PRPF4: variants seen among roughly 807,000 people sequenced by gnomAD.
PRPF4 encodes the protein U4/U6 small nuclear ribonucleoprotein Prp4.
A neutral mutation model predicts 72.2 loss-of-function variants in PRPF4; 14 were observed. The observed-to-expected ratio is 0.19, with a 90% CI of 0.13 to 0.30. The LOEUF (loss-of-function observed/expected upper bound fraction) is 0.30, where lower values mean the gene tolerates loss of function less well. Among genes scored for constraint, PRPF4 ranks in the 10% least tolerant of loss-of-function variants. The pLI, the probability that PRPF4 is intolerant of heterozygous loss-of-function variation, is 1.00. For missense variants in PRPF4, 478 were observed against 653.9 expected (o/e 0.73, Z 2.93); for synonymous variants, 225 against 232.2 (o/e 0.97, Z 0.28).
In PRPF4 at chr9:113,290,703, A is replaced by T; in HGVS notation, c.1149A>T (p.Gly383=). 1 of 1,614,070 alleles carries T rather than the reference A, an allele frequency of 6.2e-7. No individual in the cohort carries two copies. The highest frequency in any genetic ancestry group is 8.5e-7 in the Non-Finnish European group (1 of 1,180,006). The part of the protein sequence containing the change: ...HQDGSLAGTG[G]LDAFGRVWDL... Reference sequence around the variant, plus strand: ...CATTTCTAAATTATTTTCTCAGGGGACTGGATGCATTTGGTCGAGTTTGGG... The same window carrying T: ...CATTTCTAAATTATTTTCTCAGGGGTCTGGATGCATTTGGTCGAGTTTGGG... Residue 383 remains glycine, a synonymous_variant, in exon 12 of 14, where the codon GGA becomes GGT. Transcript: ENST00000374198.
At chr9:113,279,708 G>T (rs1832219174) in intron 3 of PRPF4, among the ~76,000 whole-genome samples, 1 of 152,042 alleles carries the variant, frequency 6.6e-6, no homozygotes, top group Non-Finnish European at 1.5e-5. Context: ...TTATAGACTT[G>T]GAAGAGGGTG....
chr9:113,286,040 G>C (rs1447287599), intron 7 of PRPF4, among the ~76,000 whole-genome samples, 192 bp from the exon 8 acceptor site: 1 of 152,196 alleles, frequency 6.6e-6, no homozygotes, highest in African/African-American at 2.4e-5. Context: ...TCCAGTAAAA[G>C]CCTCTGGTTG....
At chr9:113,290,270 T>C (rs1299318130) in intron 10 of PRPF4, among the ~76,000 whole-genome samples, 196 bp from the exon 11 acceptor site, 1 of 152,024 alleles carries the variant, frequency 6.6e-6, no homozygotes, top group African/African-American at 2.4e-5. Flanking sequence ...TTCCATGGTT[T>C]TCAGCTAGCA....
chr9:113,291,071 C>T, intron 13 of PRPF4, 55 bp downstream of exon 13: 12 of 1,518,074 alleles, frequency 7.9e-6, no homozygotes, highest in Non-Finnish European at 1.1e-5. Flanking sequence ...GTATTGTGTT[C>T]CCGTGGAATG....
intron 6 of PRPF4, 95 bp from the exon 7 acceptor site, chr9:113,284,200 A>T: frequency 1.1e-6 from 1 of 936,400 alleles, no homozygotes. Flanking sequence ...AAAACTGAAA[A>T]GCTGCTTTGT....
rs202224947 is a variant in PRPF4 at position 113,290,957 on chromosome 9, G to A, written c.1313G>A (p.Arg438Gln). 65 of 1,614,140 alleles carry A rather than the reference G, an allele frequency of 4.0e-5. 1 individual carries two copies. The highest frequency in any genetic ancestry group is 6.7e-5 in the African/African-American group (5 of 75,038). Residue 438 changes from arginine (R) to glutamine (Q), a missense_variant, in exon 13 of 14, where the codon CGG becomes CAG. Arg to Gln is a conservative substitution (Grantham distance 43). Transcript: ENST00000374198. ...NTCKVWDLRQ[R>Q]RCVYTIPAHQ... Reference sequence around the variant, plus strand: ...TGCAAAGTGTGGGACCTCCGACAGCGGCGTTGCGTCTACACCATCCCTGCT... The same window carrying A: ...TGCAAAGTGTGGGACCTCCGACAGCAGCGTTGCGTCTACACCATCCCTGCT...
At chr9:113,286,319 T>C in intron 8 of PRPF4, 29 bp downstream of exon 8, 2 of 1,577,692 alleles carry the variant, frequency 1.3e-6, no homozygotes, top group Non-Finnish European at 1.7e-6. Context: ...CAAATCTCGG[T>C]CTTTTTCCCA....
At chr9:113,284,517 A>G in intron 7 of PRPF4, 128 bp downstream of exon 7, 1 of 767,034 alleles carries the variant, frequency 1.3e-6, no homozygotes, top group East Asian at 2.7e-5. Flanking sequence ...ACCAAACTAC[A>G]GATGTCAGTC....
At chr9:113,289,486 T>A (rs1011026633) in intron 10 of PRPF4, among the ~76,000 whole-genome samples, 2 of 152,242 alleles carry the variant, frequency 1.3e-5, no homozygotes, top group Non-Finnish European at 2.9e-5. Context: ...TTTGGTGTTG[T>A]CAGTCTTACC....
intron 3 of PRPF4, among the ~76,000 whole-genome samples, chr9:113,282,421 A>G (rs1489461730): frequency 6.6e-6 from 1 of 151,938 alleles, no homozygotes; most frequent in Non-Finnish European, 1.5e-5. Flanking sequence ...GCAGTGACCC[A>G]TGATCATGCC....
chr9:113,285,482 C>T (rs1158927423), intron 7 of PRPF4, among the ~76,000 whole-genome samples: 3 of 146,310 alleles, frequency 2.1e-5, no homozygotes, highest in Non-Finnish European at 4.5e-5. Flanking sequence ...GGGTTCACGC[C>T]ATTCTCCTAC....
chr9:113,290,350 A>G, intron 10 of PRPF4, 116 bp from the exon 11 acceptor site: 1 of 1,418,760 alleles, frequency 7.0e-7, no homozygotes, highest in South Asian at 1.3e-5. Flanking sequence ...TAATATGGTT[A>G]TATGAATAGT....
intron 10 of PRPF4, among the ~76,000 whole-genome samples, chr9:113,288,969 A>C (rs1324345859): frequency 4.6e-5 from 7 of 152,208 alleles, no homozygotes; most frequent in Admixed American, 2.0e-4. Context: ...AACGCGTACC[A>C]TTCCTGTGAT....
At chr9:113,286,955 G>A in intron 9 of PRPF4, 127 bp downstream of exon 9, 1 of 1,371,824 alleles carries the variant, frequency 7.3e-7, no homozygotes, top group Non-Finnish European at 1.0e-6. Flanking sequence ...TTAAGGCTGA[G>A]GCAGGAGAAT....
Position 113,288,981 on chromosome 9 carries a change from G to A in PRPF4, c.1022+717G>A, listed in dbSNP as rs75325101. On this transcript the variant is annotated intron_variant, in intron 10 of 13. Transcript: ENST00000374198. Reference sequence around the variant, plus strand: ...ACAAACGCGTACCATTCCTGTGATCGACACCTCTGTCAATATAGAGAATAG... The same window carrying A: ...ACAAACGCGTACCATTCCTGTGATCAACACCTCTGTCAATATAGAGAATAG... Among the ~76,000 whole-genome samples the A allele has an allele frequency of 3.4e-3, 518 of 152,120 alleles. 4 individuals are homozygous for A. The highest frequency in any genetic ancestry group is 0.012 in the African/African-American group (499 of 41,474).
At chr9:113,282,605 A>C (rs776427773) in intron 3 of PRPF4, 41 bp from the exon 4 acceptor site, 1 of 1,447,090 alleles carries the variant, frequency 6.9e-7, no homozygotes, top group African/African-American at 1.4e-5. Context: ...GTATTATCTC[A>C]ACCATGTTTA....
In PRPF4 at chr9:113,290,906, T is replaced by C. The variant is rs1832590280; in HGVS notation, c.1262T>C (p.Ile421Thr). 6.2e-7 allele frequency: 1 copy of C among 1,614,038 alleles called. No homozygotes were observed. Among genetic ancestry groups the C allele is most frequent in the South Asian group, 1.1e-5 (1 of 91,090 alleles). Reference sequence around the variant, plus strand: ...CTGCATCCAATCCACAGCTATCACATTGCAACCGGCAGTGGTGACAACACC... The same window carrying C: ...CTGCATCCAATCCACAGCTATCACACTGCAACCGGCAGTGGTGACAACACC... ...GINFSPNGYH[I>T]ATGSGDNTCK... The change falls in exon 13 of 14, where the codon ATT becomes ACT. Residue 421 changes from isoleucine to threonine, a missense_variant. Physicochemically the swap from Ile to Thr is moderately conservative, Grantham distance 89. Coordinates refer to ENST00000374198, the MANE Select transcript of PRPF4 (RefSeq NM_001244926.2).
At chr9:113,276,165 T>C (rs1832087904) in intron 1 of PRPF4, among the ~76,000 whole-genome samples, 1 of 152,224 alleles carries the variant, frequency 6.6e-6, no homozygotes. Flanking sequence ...TAACTTGTTA[T>C]CCTTTAGCAC....
At position 113,291,780 on chromosome 9, in the gene PRPF4, T is replaced by G. The variant is rs1832616008; in HGVS notation, c.*120T>G. The G allele has an allele frequency of 2.0e-6, 2 of 999,770 alleles. No individual in the cohort carries two copies. Among genetic ancestry groups the G allele is most frequent in the Admixed American group, 5.6e-5 (2 of 35,784 alleles). 61.9% of individuals were successfully genotyped at this position (999,770 alleles called of 1,614,324 possible). ...TCTGCCAATTACCATGCATAGACCCTCAGTAGAATTGGATTTCCATGTCAG... is the reference window on the plus strand; with the variant it reads ...TCTGCCAATTACCATGCATAGACCCGCAGTAGAATTGGATTTCCATGTCAG... On this transcript the variant is annotated 3_prime_UTR_variant, in exon 14 of 14. Coordinates refer to ENST00000374198, the MANE Select transcript of PRPF4 (RefSeq NM_001244926.2).
Sources: allele counts gnomAD v4.1 joint callset (sites outside exome capture counted in the v4.1 genomes callset), GRCh38; gene constraint gnomAD v4.1.1; transcripts MANE v1.5; gene names NCBI Gene and HGNC (gene_info 2026-07-23, HGNC 2026-07-21).